Variants in MED13L observed in about 807,000 individuals in gnomAD.
The protein encoded by MED13L is mediator complex subunit 13L, also known as mediator of RNA polymerase II transcription subunit 13-like.
In MED13L, 7 loss-of-function variants were observed where a neutral mutation model predicts 220.9. The observed-to-expected ratio is 0.03, with a 90% CI of 0.02 to 0.06. The LOEUF is 0.06. Among genes scored for constraint, MED13L ranks in the 10% least tolerant of loss-of-function variants. MED13L has a pLI of 1.00. For synonymous variants in MED13L, 1,011 were observed against 1,015.2 expected (o/e 1.00, Z 0.08); for missense variants, 1,965 against 2,760.5 (o/e 0.71, Z 6.46).
chr12:116,018,066 T>A (rs1879836275), intron 7 of MED13L, among the ~76,000 whole-genome samples: 1 of 152,134 alleles, frequency 6.6e-6, no homozygotes, highest in African/African-American at 2.4e-5. Context: ...GAGTTTTGAA[T>A]ATTGCTTTAA....
At chr12:115,996,766 C>T in intron 15 of MED13L, 85 bp from the exon 16 acceptor site, 1 of 1,253,318 alleles carries the variant, frequency 8.0e-7, no homozygotes, top group Non-Finnish European at 1.2e-6. Context: ...ATAAAAACAG[C>T]AACCAAAATG....
intron 2 of MED13L, among the ~76,000 whole-genome samples, chr12:116,222,324 C>T (rs189458663): frequency 2.0e-5 from 3 of 152,282 alleles, no homozygotes; most frequent in Admixed American, 2.0e-4. Flanking sequence ...ATGAACACTC[C>T]ATTCCTTATT....
At chr12:116,028,649 C>G (rs1880543117) in intron 4 of MED13L, among the ~76,000 whole-genome samples, 1 of 152,134 alleles carries the variant, frequency 6.6e-6, no homozygotes, top group Non-Finnish European at 1.5e-5. Flanking sequence ...TCTACTATCT[C>G]CCTAACTGCT....
At chr12:115,963,263 TCTCA>T (rs1173591737) in intron 30 of MED13L, 140 bp downstream of exon 30, 5 of 727,456 alleles carry the variant, frequency 6.9e-6, no homozygotes, top group Non-Finnish European at 9.9e-6. Context: ...GGACTGCAGC[TCTCA>T]CTGACTCATC....
chr12:116,204,409 T>C (rs1882190474), intron 2 of MED13L, among the ~76,000 whole-genome samples: 1 of 152,190 alleles, frequency 6.6e-6, no homozygotes, highest in African/African-American at 2.4e-5. Context: ...GTAAGAACTT[T>C]CCTGGCTAGC....
chr12:116,237,366 A>C (rs879839341), intron 2 of MED13L, 102 bp downstream of exon 2: 2 of 949,232 alleles, frequency 2.1e-6, no homozygotes, highest in Non-Finnish European at 3.3e-6. Context: ...TGAAACACTT[A>C]AGATCGTTCT....
At chr12:116,228,624 A>G (rs1593186858) in intron 2 of MED13L, among the ~76,000 whole-genome samples, 2 of 152,226 alleles carry the variant, frequency 1.3e-5, no homozygotes, top group African/African-American at 4.8e-5. Flanking sequence ...CATCTCCTAT[A>G]TAAAATAATG....
intron 2 of MED13L, among the ~76,000 whole-genome samples, chr12:116,153,117 G>T (rs886398131): frequency 6.6e-6 from 1 of 152,128 alleles, no homozygotes; most frequent in African/African-American, 2.4e-5. Context: ...AAATTAGTGT[G>T]TAACATAATT....
intron 1 of MED13L, among the ~76,000 whole-genome samples, chr12:116,243,084 A>T (rs898484685): frequency 6.6e-6 from 1 of 152,236 alleles, no homozygotes; most frequent in Non-Finnish European, 1.5e-5. Context: ...TTTCACTCAG[A>T]TAATTATATG....
intron 4 of MED13L, among the ~76,000 whole-genome samples, chr12:116,048,152 G>T (rs1881950937): frequency 6.6e-6 from 1 of 151,770 alleles, no homozygotes; most frequent in Non-Finnish European, 1.5e-5. Context: ...AACAACCTGG[G>T]AACTAAAATT....
intron 4 of MED13L, among the ~76,000 whole-genome samples, chr12:116,068,754 T>C (rs2137672063): frequency 6.6e-6 from 1 of 151,800 alleles, no homozygotes; most frequent in Non-Finnish European, 1.5e-5. Flanking sequence ...CAATCTGTAC[T>C]CTCCCTGAAA....
intron 2 of MED13L, among the ~76,000 whole-genome samples, chr12:116,157,529 C>A (rs1332682248): frequency 6.6e-6 from 1 of 152,196 alleles, no homozygotes; most frequent in African/African-American, 2.4e-5. Flanking sequence ...GTATACTACT[C>A]CTTTCTTTGG....
intron 4 of MED13L, among the ~76,000 whole-genome samples, chr12:116,078,281 A>G (rs972369070): frequency 2.0e-5 from 3 of 152,282 alleles, no homozygotes; most frequent in Non-Finnish European, 2.9e-5. Flanking sequence ...GCAATTTTGT[A>G]AAGAGATAAA....
intron 1 of MED13L, among the ~76,000 whole-genome samples, chr12:116,256,786 A>T (rs1163193312): frequency 6.7e-6 from 1 of 150,268 alleles, no homozygotes; most frequent in Non-Finnish European, 1.5e-5. Flanking sequence ...CCCAGGTTCA[A>T]GCGATTCTCC....
intron 4 of MED13L, among the ~76,000 whole-genome samples, chr12:116,037,110 T>A (rs978553897): frequency 5.3e-5 from 8 of 152,158 alleles, no homozygotes; most frequent in Non-Finnish European, 1.0e-4. Flanking sequence ...ATCACCCTCC[T>A]GAGAAAAAGT....
At chr12:116,232,373 T>C (rs2138436699) in intron 2 of MED13L, among the ~76,000 whole-genome samples, 1 of 152,338 alleles carries the variant, frequency 6.6e-6, no homozygotes, top group South Asian at 2.1e-4. Context: ...AGACAGTGCA[T>C]ATTTAGTGCT....
intron 2 of MED13L, among the ~76,000 whole-genome samples, chr12:116,177,101 T>C (rs1005902284): frequency 6.6e-6 from 1 of 152,058 alleles, no homozygotes; most frequent in Non-Finnish European, 1.5e-5. Context: ...ACAGTTCAAT[T>C]AATTTTCACA....
At chr12:116,142,662 T>G (rs1877176104) in intron 2 of MED13L, among the ~76,000 whole-genome samples, 2 of 152,070 alleles carry the variant, frequency 1.3e-5, no homozygotes, top group South Asian at 4.1e-4. Flanking sequence ...CACTCCAGCC[T>G]GGACGACAAG....
rs1875726538 is a variant in MED13L at position 115,961,084 on chromosome 12, G to C, written c.*182C>G. On this transcript the variant is annotated 3_prime_UTR_variant, in exon 31 of 31. Transcript: ENST00000281928. ...CCAGGTCCATGAGAGAAGTGTCAAG[G>C]AGTCACTCTGGTAATGAACACTGCA... 2.5e-6 allele frequency: 2 copies of C among 803,448 alleles called. No homozygotes were observed. The highest frequency in any genetic ancestry group is 1.6e-5 in the South Asian group (1 of 61,892). 49.8% of individuals were successfully genotyped at this position (803,448 alleles called of 1,614,324 possible). A position where few individuals can be genotyped will look rare whatever the true frequency, so the allele number is the denominator to read the frequency against.
Sources: gnomAD v4.1 joint callset for allele counts (sites outside exome capture counted in the v4.1 genomes callset) on GRCh38, gnomAD v4.1.1 for gene constraint, MANE v1.5 for transcripts, NCBI Gene and HGNC (gene_info 2026-07-23, HGNC 2026-07-21) for gene names.